Variants in VPS35L observed in about 807,000 individuals in gnomAD.
The protein encoded by VPS35L is VPS35 endosomal protein-sorting factor-like.
In VPS35L, 83 loss-of-function variants were observed where a neutral mutation model predicts 133.0. The observed-to-expected ratio is 0.62, with a 90% confidence interval of 0.52 to 0.75. The LOEUF is 0.75. Ranked by LOEUF, VPS35L falls within the 30% of genes least tolerant of loss-of-function variation. The probability of loss-of-function intolerance (pLI) is 0.00; values close to 1 mark genes in which losing one functional copy is unlikely to be tolerated. For missense variants in VPS35L, 1,083 were observed against 1,206.8 expected (o/e 0.90, Z 1.52); for synonymous variants, 423 against 449.9 (o/e 0.94, Z 0.76).
At chr16:19,628,810 G>A (rs1185017277) in intron 17 of VPS35L, 57 bp downstream of exon 17, 4 of 698,224 alleles carry the variant, frequency 5.7e-6, no homozygotes, top group Non-Finnish European at 7.7e-6. Context: ...TATTTATTTT[G>A]AGATGAAGTC....
intron 19 of VPS35L, among the ~76,000 whole-genome samples, chr16:19,636,888 C>T (rs1170500413): frequency 3.3e-5 from 5 of 152,134 alleles, no homozygotes; most frequent in Admixed American, 6.5e-5. Context: ...TGAGGCAGAC[C>T]TCACAGACTG....
chr16:19,576,121 G>T (rs894435685), intron 5 of VPS35L, among the ~76,000 whole-genome samples: 1 of 147,826 alleles, frequency 6.8e-6, no homozygotes, highest in Non-Finnish European at 1.5e-5. Flanking sequence ...AGCCAAGATC[G>T]TGCCATTGCA....
chr16:19,688,853 T>G (rs1975561555), intron 28 of VPS35L, among the ~76,000 whole-genome samples: 1 of 152,176 alleles, frequency 6.6e-6, no homozygotes, highest in African/African-American at 2.4e-5. Context: ...GCTGGTGGTT[T>G]TGTTGTGAAC....
chr16:19,635,368 T>G (rs1054674513), intron 19 of VPS35L, among the ~76,000 whole-genome samples: 1 of 151,688 alleles, frequency 6.6e-6, no homozygotes, highest in Non-Finnish European at 1.5e-5. Context: ...AAACTAAAAA[T>G]AAAATAAATA....
At chr16:19,570,849 ATATATATATATATATATATATATATAT>A (rs1407470416) in intron 3 of VPS35L, among the ~76,000 whole-genome samples, 1 of 12,150 alleles carries the variant, frequency 8.2e-5, no homozygotes, top group East Asian at 2.6e-3. Context: ...ATATATATAT[ATATATATATATATATATATATATATAT>A]ATATATATAT....
rs1301578771 is a variant in VPS35L at position 19,682,242 on chromosome 16, G to A, written c.2379G>A (p.Gly793=). The part of the protein sequence containing the change: ...LLIVPDHPEH[G]VLFLVRELLN... ...TCTGCTAGGATCATCCTGAACATGG[G>A]GTCCTGTTTCTTGTTCGAGAGCTTC... is the stretch of plus-strand genomic sequence containing the variant. Residue 793 remains glycine, a synonymous_variant, in exon 28 of 31, where the codon GGG becomes GGA. Transcript: ENST00000417362. 6.2e-7 allele frequency: 1 copy of A among 1,613,786 alleles called. No homozygotes were observed. The highest frequency in any genetic ancestry group is 8.5e-7 in the Non-Finnish European group (1 of 1,179,920).
rs189408982 is a variant in VPS35L, at chr16:19,589,627, T to G, written c.640-2163T>G. On this transcript the variant is annotated intron_variant, in intron 7 of 30. Transcript: ENST00000417362. ...GAAGCGGCACCAAAGCTTTAAAAAC[T>G]GTGGCATCTTCAAAACAGTAATTTA... Among the ~76,000 whole-genome samples, 9 of 152,354 alleles carry G rather than the reference T, an allele frequency of 5.9e-5. No homozygotes were observed. The East Asian group carries it at 1.7e-3, about 29-fold the overall frequency.
intron 29 of VPS35L, among the ~76,000 whole-genome samples, chr16:19,698,255 C>T (rs774599453): frequency 2.6e-5 from 4 of 152,148 alleles, no homozygotes; most frequent in African/African-American, 9.7e-5. Flanking sequence ...TCCTTCTCAG[C>T]TTCTAGAAGC....
chr16:19,647,710 TCAGTCATACCATGTG>T, intron 23 of VPS35L, 59 bp from the exon 24 acceptor site: 1 of 1,135,420 alleles, frequency 8.8e-7, no homozygotes, highest in Non-Finnish European at 1.3e-6. Flanking sequence ...TAATAATATT[TCAGTCATACCATGTG>T]CCTGCGTTCT....
chr16:19,612,652 G>C (rs770451414), intron 12 of VPS35L, among the ~76,000 whole-genome samples: 17 of 152,184 alleles, frequency 1.1e-4, no homozygotes, highest in Non-Finnish European at 1.3e-4. Flanking sequence ...TGATATCGGA[G>C]ACCCGGTGAT....
chr16:19,613,002 A>G (rs561993866), intron 12 of VPS35L, among the ~76,000 whole-genome samples: 1 of 152,304 alleles, frequency 6.6e-6, no homozygotes, highest in Non-Finnish European at 1.5e-5. Context: ...TCTCTTTAAC[A>G]TTAAAAGAGT....
chr16:19,643,590 A>G (rs1415036639), intron 22 of VPS35L, among the ~76,000 whole-genome samples: 1 of 152,126 alleles, frequency 6.6e-6, no homozygotes, highest in Non-Finnish European at 1.5e-5. Context: ...ATCATATCCC[A>G]TTGTTCAGAA....
At chr16:19,629,856 AG>A in intron 18 of VPS35L, 36 bp downstream of exon 18, 2 of 1,588,900 alleles carry the variant, frequency 1.3e-6, no homozygotes, top group Non-Finnish European at 1.7e-6. Context: ...TGAAAGAATT[AG>A]ATTTTTTCAT....
chr16:19,645,584 C>A (rs1009379957), intron 23 of VPS35L, among the ~76,000 whole-genome samples: 15 of 152,184 alleles, frequency 9.9e-5, no homozygotes, highest in African/African-American at 3.6e-4. Context: ...CCACTGCACC[C>A]AGCCCCCTGT....
intron 14 of VPS35L, among the ~76,000 whole-genome samples, chr16:19,625,808 G>A (rs1452868387): frequency 6.6e-6 from 1 of 152,010 alleles, no homozygotes; most frequent in Non-Finnish European, 1.5e-5. Flanking sequence ...TGAGTAGCTG[G>A]GATTACAGGC....
At chr16:19,587,174 A>G (rs1286438944) in intron 7 of VPS35L, among the ~76,000 whole-genome samples, 13 of 152,174 alleles carry the variant, frequency 8.5e-5, no homozygotes, top group Non-Finnish European at 1.8e-4. Context: ...TCTGACAGGA[A>G]CAGCAAGGGG....
chr16:19,616,318 T>A, intron 13 of VPS35L, 127 bp downstream of exon 13: 1 of 761,432 alleles, frequency 1.3e-6, no homozygotes, highest in African/African-American at 1.7e-5. Context: ...CCTGGAAAAT[T>A]ACACTAGCTT....
intron 5 of VPS35L, chr16:19,578,662 A>G (rs1179286726): frequency 3.1e-6 from 1 of 320,670 alleles, no homozygotes. Context: ...TTAGCAGGAG[A>G]GCACAATTCT....
chr16:19,573,634 C>A (rs1390177525), intron 4 of VPS35L, among the ~76,000 whole-genome samples: 1 of 152,034 alleles, frequency 6.6e-6, no homozygotes, highest in South Asian at 2.1e-4. Context: ...GCCTGGCCAA[C>A]ATAGTGAAAC....
Sources: allele counts gnomAD v4.1 joint callset (sites outside exome capture counted in the v4.1 genomes callset), GRCh38; gene constraint gnomAD v4.1.1; transcripts MANE v1.5; gene names NCBI Gene and HGNC (gene_info 2026-07-23, HGNC 2026-07-21).